CNTN4: variants seen among roughly 807,000 people sequenced by gnomAD.
The protein encoded by CNTN4 is contactin-4.
A neutral mutation model predicts 122.5 loss-of-function variants in CNTN4; 77 were observed. That is an observed-to-expected ratio of 0.63 (90% CI 0.52 to 0.76). The LOEUF (loss-of-function observed/expected upper bound fraction) is 0.76. Ranked by LOEUF, CNTN4 falls within the 30% of genes least tolerant of loss-of-function variation. CNTN4 has a pLI of 0.00. For synonymous variants in CNTN4, 512 were observed against 447.0 expected, an observed-to-expected ratio of 1.15 and a Z score of -1.83; for missense variants, 1,256 against 1,259.1, an observed-to-expected ratio of 1.00 and a Z score of 0.04.
At chr3:2,192,999 GC>G (rs1490341125) in intron 2 of CNTN4, among the ~76,000 whole-genome samples, 1 of 152,072 alleles carries the variant, frequency 6.6e-6, no homozygotes, top group East Asian at 1.9e-4. Context: ...ACTGCCTTTT[GC>G]CCTCTCTCTG....
intron 8 of CNTN4, among the ~76,000 whole-genome samples, chr3:2,872,049 G>T (rs967975829): frequency 6.6e-6 from 1 of 152,168 alleles, no homozygotes; most frequent in African/African-American, 2.4e-5. Flanking sequence ...AGGTACTAAA[G>T]TAGTCCATTG....
At chr3:2,987,831 G>C (rs915535913) in intron 13 of CNTN4, among the ~76,000 whole-genome samples, 1 of 152,038 alleles carries the variant, frequency 6.6e-6, no homozygotes, top group African/African-American at 2.4e-5. Context: ...TTTTTTTTAA[G>C]TTCAGTTTTT....
intron 13 of CNTN4, among the ~76,000 whole-genome samples, chr3:2,945,345 T>A (rs2094665115): frequency 6.6e-6 from 1 of 152,202 alleles, no homozygotes; most frequent in East Asian, 1.9e-4. Context: ...TAATTGATTC[T>A]TTCTTGGCAA....
chr3:2,462,543 G>A (rs2049265915), intron 3 of CNTN4, among the ~76,000 whole-genome samples: 1 of 152,264 alleles, frequency 6.6e-6, no homozygotes, highest in Non-Finnish European at 1.5e-5. Flanking sequence ...TGATGTTTCA[G>A]GCGTTTTCTT....
At position 2,355,881 on chromosome 3, in the gene CNTN4, G is replaced by A. The variant is rs181854676; in HGVS notation, c.-89+16648G>A. Among the ~76,000 whole-genome samples the A allele has an allele frequency of 6.6e-5, 10 of 152,314 alleles. No homozygotes were observed. In the East Asian group the frequency reaches 1.7e-3, roughly 26 times the overall value. On this transcript the variant is annotated intron_variant, in intron 3 of 24. Coordinates refer to ENST00000418658, the MANE Select transcript of CNTN4 (RefSeq NM_175607.3). ...ATACATTCAGAAAATTGCCATCAAT[G>A]CTCAATTGTAATCTAATTCAAATTG...
At chr3:2,371,013 C>T (rs772096056) in intron 3 of CNTN4, among the ~76,000 whole-genome samples, 13 of 152,086 alleles carry the variant, frequency 8.5e-5, no homozygotes, top group Non-Finnish European at 1.9e-4. Context: ...AGGTTTATAT[C>T]GAGTGAGAAT....
At chr3:2,883,786 A>C (rs887449355) in intron 9 of CNTN4, among the ~76,000 whole-genome samples, 4 of 152,212 alleles carry the variant, frequency 2.6e-5, no homozygotes, top group African/African-American at 9.7e-5. Flanking sequence ...AATATTGTTT[A>C]CAACTTTATT....
chr3:2,819,641 G>C (rs572218183), intron 7 of CNTN4, 60 bp downstream of exon 7: 1 of 1,240,498 alleles, frequency 8.1e-7, no homozygotes, highest in African/African-American at 1.5e-5. Context: ...CTTCCTCAAT[G>C]TTCTCCCTCC....
chr3:2,243,564 C>T (rs1191122481), intron 2 of CNTN4, among the ~76,000 whole-genome samples: 1 of 151,684 alleles, frequency 6.6e-6, no homozygotes, highest in Non-Finnish European at 1.5e-5. Context: ...TATGTATGGC[C>T]CAAGACAACT....
intron 13 of CNTN4, among the ~76,000 whole-genome samples, chr3:2,934,518 G>A (rs919789305): frequency 2.6e-5 from 4 of 152,272 alleles, no homozygotes; most frequent in African/African-American, 7.2e-5. Flanking sequence ...CTGGCAGTCT[G>A]GGAGGCAAAG....
rs923063761 is a variant in CNTN4, at chr3:2,098,928, G to A, written c.-277G>A. 4 of 152,362 alleles carry A rather than the reference G, an allele frequency of 2.6e-5. No individual in the cohort carries two copies. The East Asian group carries it at 7.7e-4, about 30-fold the overall frequency. The allele number at this position is 152,362 out of a possible 1,614,324, so 9.4% of individuals were successfully genotyped here. A position where few individuals can be genotyped will look rare whatever the true frequency, so the allele number is the denominator to read the frequency against. On this transcript the variant is annotated 5_prime_UTR_variant, in exon 1 of 25. In the 5' UTR this introduces an upstream ATG that the reference lacks. Transcript: ENST00000418658. ...GCCGCCGCCCCGGGCCCCTCGGACT[G>A]TGCCGGCGCCGCACCCGAGGCTCTC...
At chr3:2,858,103 A>G (rs966980299) in intron 7 of CNTN4, among the ~76,000 whole-genome samples, 1 of 152,210 alleles carries the variant, frequency 6.6e-6, no homozygotes, top group Non-Finnish European at 1.5e-5. Context: ...CTCAGTGGAA[A>G]GCTGCTATTC....
At chr3:2,271,450 A>G (rs1346144085) in intron 2 of CNTN4, among the ~76,000 whole-genome samples, 4 of 152,116 alleles carry the variant, frequency 2.6e-5, no homozygotes, top group Non-Finnish European at 5.9e-5. Context: ...ATCTTTCTCT[A>G]GCTATATAAT....
chr3:2,551,303 G>C (rs964705660), intron 3 of CNTN4, among the ~76,000 whole-genome samples: 2 of 152,032 alleles, frequency 1.3e-5, no homozygotes, highest in African/African-American at 4.8e-5. Flanking sequence ...AAGAATGTCA[G>C]CTCAAAATCT....
intron 13 of CNTN4, among the ~76,000 whole-genome samples, chr3:2,941,530 A>G (rs2094615201): frequency 1.3e-5 from 2 of 152,170 alleles, no homozygotes; most frequent in Non-Finnish European, 2.9e-5. Context: ...CTGTTTCATC[A>G]CCCCATTTAT....
chr3:2,570,038 G>C (rs532728850), intron 3 of CNTN4, among the ~76,000 whole-genome samples: 179 of 149,484 alleles, frequency 1.2e-3, no homozygotes, highest in African/African-American at 4.1e-3. Context: ...TTCACACATG[G>C]CGGGCTGGCA....
At chr3:2,843,518 G>C (rs960953995) in intron 7 of CNTN4, among the ~76,000 whole-genome samples, 2 of 152,118 alleles carry the variant, frequency 1.3e-5, no homozygotes, top group Non-Finnish European at 2.9e-5. Context: ...ATGTTTAATT[G>C]TAACCCCCCA....
In CNTN4 at chr3:3,040,107, T is replaced by A; in HGVS notation, c.2234T>A (p.Met745Lys). Residue 745 changes from methionine to lysine, a missense_variant, in exon 20 of 25, where the codon ATG becomes AAG. Met to Lys is a moderately conservative substitution (Grantham distance 95). Transcript: ENST00000418658. Reference protein sequence around the residue: ...YVVAFRPYGKMIWMLTVLASA... With the variant: ...YVVAFRPYGKKIWMLTVLASA... ...GTGGCCTTCCGGCCCTACGGTAAAA[T>A]GATCTGGATGCTGACAGTGCTGGCC... The A allele has an allele frequency of 6.2e-7, 1 of 1,614,176 alleles. No homozygotes were observed. The highest frequency in any genetic ancestry group is 8.5e-7 in the Non-Finnish European group (1 of 1,180,002).
At chr3:2,571,304 A>G (rs1374013188) in intron 3 of CNTN4, 112 bp from the exon 4 acceptor site, 4 of 618,520 alleles carry the variant, frequency 6.5e-6, no homozygotes, top group African/African-American at 5.5e-5. Flanking sequence ...TTCCCCTCCA[A>G]TGGTACTTTC....
Sources: gnomAD v4.1 joint callset for allele counts (sites outside exome capture counted in the v4.1 genomes callset) on GRCh38, gnomAD v4.1.1 for gene constraint, MANE v1.5 for transcripts, NCBI Gene and HGNC (gene_info 2026-07-23, HGNC 2026-07-21) for gene names.